PITPNM3: variants seen among roughly 807,000 people sequenced by gnomAD.
PITPNM3 encodes PITPNM family member 3.
PITPNM3 carries 26 observed loss-of-function variants against 102.0 expected under a neutral mutation model. The observed-to-expected ratio is 0.25, with a 90% confidence interval of 0.19 to 0.35. The LOEUF (loss-of-function observed/expected upper bound fraction) is 0.35. PITPNM3 is among the 10% of genes least tolerant of loss of function. The probability of loss-of-function intolerance (pLI) is 1.00; values close to 1 mark genes in which losing one functional copy is unlikely to be tolerated. For synonymous variants in PITPNM3, 578 were observed against 558.6 expected, an observed-to-expected ratio of 1.03 and a Z score of -0.49; for missense variants, 1,083 against 1,346.1, an observed-to-expected ratio of 0.80 and a Z score of 3.06.
At chr17:6,521,615 TA>T (rs200604693) in intron 3 of PITPNM3, among the ~76,000 whole-genome samples, 37 of 149,326 alleles carry the variant, frequency 2.5e-4, no homozygotes, top group South Asian at 6.3e-4. Context: ...CCCTTTCCAT[TA>T]AAAAAAAATA....
chr17:6,554,224 G>A (rs140034123), intron 1 of PITPNM3, among the ~76,000 whole-genome samples: 9,859 of 150,632 alleles, frequency 0.065, 736 homozygotes, highest in African/African-American at 0.17. Flanking sequence ...GGAGGCTGAG[G>A]CAGGAGAATC....
At chr17:6,465,822 A>G (rs1904739490) in intron 14 of PITPNM3, among the ~76,000 whole-genome samples, 1 of 152,128 alleles carries the variant, frequency 6.6e-6, no homozygotes, top group African/African-American at 2.4e-5. Context: ...CCAAGACCCC[A>G]GTCTCTCCAT....
chr17:6,454,978 G>A lies in PITPNM3; in HGVS notation c.*360C>T, dbSNP rs1458549522. 3 of 297,622 alleles carry A rather than the reference G, an allele frequency of 1.0e-5. No individual in the cohort carries two copies. Among genetic ancestry groups the A allele is most frequent in the Non-Finnish European group, 1.9e-5 (3 of 159,610 alleles). The allele number at this position is 297,622 out of a possible 1,614,324, so 18.4% of individuals were successfully genotyped here. A position where few individuals can be genotyped will look rare whatever the true frequency, so the allele number is the denominator to read the frequency against. On this transcript the variant is annotated 3_prime_UTR_variant, in exon 20 of 20. Transcript: ENST00000262483. ...GCTGGGGCTGCCCCCTTGAGGGCCT[G>A]CCTAGCTCGCTGTGAAGCCTGGGGA...
chr17:6,534,308 GA>G (rs1909297105), intron 2 of PITPNM3, among the ~76,000 whole-genome samples: 1 of 152,192 alleles, frequency 6.6e-6, no homozygotes, highest in Non-Finnish European at 1.5e-5. Flanking sequence ...CCCTGCCGAG[GA>G]GTTGTTATGG....
At chr17:6,504,133 CT>C (rs1907348724) in intron 3 of PITPNM3, among the ~76,000 whole-genome samples, 1 of 152,208 alleles carries the variant, frequency 6.6e-6, no homozygotes, top group Non-Finnish European at 1.5e-5. Context: ...GGCCCCAGGT[CT>C]CTGAGGAAGG....
intron 4 of PITPNM3, among the ~76,000 whole-genome samples, chr17:6,487,415 C>T (rs1426661808): frequency 1.3e-5 from 2 of 152,080 alleles, no homozygotes; most frequent in Non-Finnish European, 2.9e-5. Context: ...AGGGGACATC[C>T]AGGGCACAGA....
intron 1 of PITPNM3, among the ~76,000 whole-genome samples, chr17:6,547,392 G>T (rs1910079564): frequency 6.6e-6 from 1 of 152,112 alleles, no homozygotes; most frequent in Non-Finnish European, 1.5e-5. Flanking sequence ...TGCCAATTAG[G>T]CTCCCAACAG....
chr17:6,466,990 G>C (rs1904806505), intron 14 of PITPNM3, among the ~76,000 whole-genome samples: 1 of 150,558 alleles, frequency 6.6e-6, no homozygotes, highest in Non-Finnish European at 1.5e-5. Flanking sequence ...CTTGAACCAG[G>C]GAGGGGAGGT....
chr17:6,468,144 T>A lies in PITPNM3; in HGVS notation c.1890+81A>T. On this transcript the variant is annotated intron_variant, in intron 14 of 19. Coordinates refer to ENST00000262483, the MANE Select transcript of PITPNM3 (RefSeq NM_031220.4). This position sits in a 1 kb window ranked among gnomAD's most constrained non-coding sequence, Gnocchi z 5.2. The stretch of plus-strand genomic sequence containing the variant: ...GACAAATTGAAGCGCTTACCTCCCA[T>A]GTGGATGCCCCAGCCCCCGGGCCAG... The A allele has an allele frequency of 7.4e-7, 1 of 1,355,926 alleles. No homozygotes were observed. The highest frequency in any genetic ancestry group is 1.1e-6 in the Non-Finnish European group (1 of 951,336). The allele number at this position is 1,355,926 out of a possible 1,614,324, so 84.0% of individuals were successfully genotyped here. A position where few individuals can be genotyped will look rare whatever the true frequency, so the allele number is the denominator to read the frequency against.
At chr17:6,539,706 T>A (rs907559190) in intron 1 of PITPNM3, among the ~76,000 whole-genome samples, 1 of 152,244 alleles carries the variant, frequency 6.6e-6, no homozygotes, top group Non-Finnish European at 1.5e-5. Flanking sequence ...AACTGTATGT[T>A]TTCTCAATCA....
intron 2 of PITPNM3, among the ~76,000 whole-genome samples, chr17:6,532,903 A>C (rs1909215972): frequency 6.6e-6 from 1 of 152,152 alleles, no homozygotes; most frequent in Non-Finnish European, 1.5e-5. Context: ...AAATGATTGT[A>C]TCATCATACA....
At chr17:6,490,595 T>G (rs1034060057) in intron 4 of PITPNM3, among the ~76,000 whole-genome samples, 3 of 152,146 alleles carry the variant, frequency 2.0e-5, no homozygotes, top group Non-Finnish European at 4.4e-5. Flanking sequence ...AGCTAGGGGC[T>G]TGGCGTTGAT....
rs776356522 is a variant in PITPNM3 at position 6,457,763 on chromosome 17, C to A, written c.2491-41G>T. 5.1e-6 allele frequency: 8 copies of A among 1,555,964 alleles called. No individual in the cohort carries two copies. The African/African-American group carries it at 9.5e-5, about 19-fold the overall frequency. Reference sequence around the variant, plus strand: ...GGCATAGGGGGAGAGTGAGGCCAGCCCACCCCCTGGAAAGCCTTCCCAGGC... The same window carrying A: ...GGCATAGGGGGAGAGTGAGGCCAGCACACCCCCTGGAAAGCCTTCCCAGGC... On this transcript the variant is annotated intron_variant, in intron 18 of 19. Transcript: ENST00000262483. The surrounding 1 kb of genome is among the most constrained non-coding windows in gnomAD (Gnocchi z 4.7).
rs1914047601 is a variant in PITPNM3 at position 6,455,474 on chromosome 17, T to C, written c.2789A>G (p.Gln930Arg). The C allele has an allele frequency of 1.9e-6, 3 of 1,605,300 alleles. No homozygotes were observed. Among genetic ancestry groups the C allele is most frequent in the Non-Finnish European group, 2.5e-6 (3 of 1,179,498 alleles). ...GTTGGCGGCGGGCGGGTCGGGCTGC[T>C]GCACTGACATGGTTCTGCGCAGGTG... is the stretch of plus-strand genomic sequence containing the variant. ...RNHLRRTMSVQQPDPPAANPK... is the reference protein window; with the variant it reads ...RNHLRRTMSVRQPDPPAANPK... Residue 930 changes from glutamine to arginine, a missense_variant, in exon 20 of 20, where the codon CAG becomes CGG. Gln to Arg is a conservative substitution (Grantham distance 43, BLOSUM62 1). Coordinates refer to ENST00000262483, the MANE Select transcript of PITPNM3 (RefSeq NM_031220.4).
rs989321283 is a variant in PITPNM3, at chr17:6,468,446, G to A, written c.1774-105C>T. The A allele has an allele frequency of 7.0e-6, 8 of 1,140,400 alleles. No homozygotes were observed. Among genetic ancestry groups the A allele is most frequent in the Middle Eastern group, 2.3e-4 (1 of 4,290 alleles). 70.6% of individuals were successfully genotyped at this position (1,140,400 alleles called of 1,614,324 possible). ...TTGTGGCCAGCTGGGCCCTGCCCCT[G>A]CAACCCCCCAACCTCACAGCCTGGA... On this transcript the variant is annotated intron_variant, in intron 13 of 19. Transcript: ENST00000262483. The surrounding 1 kb of genome is among the most constrained non-coding windows in gnomAD (Gnocchi z 5.2).
intron 2 of PITPNM3, among the ~76,000 whole-genome samples, chr17:6,530,910 G>T (rs1909111014): frequency 6.6e-6 from 1 of 152,204 alleles, no homozygotes; most frequent in Non-Finnish European, 1.5e-5. Context: ...GAGCCTCATT[G>T]ACAGATCCTT....
In PITPNM3 at chr17:6,457,679, A is replaced by T; in HGVS notation, c.2534T>A (p.Ile845Asn). ...CAGGCCCAGCACGCTGTAGACAGAG[A>T]TGTCCTTCGTGGAGCCATAGGCCGC... ...ISAAYGSTKD[I>N]SVYSVLGLPA... The change falls in exon 19 of 20, where the codon ATC (isoleucine) becomes AAC (asparagine). Residue 845 changes from isoleucine to asparagine, a missense_variant. Physicochemically the swap from Ile to Asn is moderately radical, Grantham distance 149 (BLOSUM62 -3). Transcript: ENST00000262483. This position sits in a 1 kb window ranked among gnomAD's most constrained non-coding sequence, Gnocchi z 4.7. The T allele has an allele frequency of 6.2e-7, 1 of 1,606,608 alleles. No homozygotes were observed. Among genetic ancestry groups the T allele is most frequent in the Non-Finnish European group, 8.5e-7 (1 of 1,176,654 alleles).
rs758325077 is a variant in PITPNM3 at position 6,483,689 on chromosome 17, T to G, written c.415A>C (p.Ile139Leu). ...GGGTCCCCGGCACCCGTGTCCAGGA[T>G]GTTTCCCCCATGCAGGACCAGCAGG... is the stretch of plus-strand genomic sequence containing the variant. ...VLLLVLHGGN[I>L]LDTGAGDPSC... Residue 139 changes from isoleucine to leucine, a missense_variant, in exon 6 of 20, where the codon ATC becomes CTC. Ile to Leu is a conservative substitution (Grantham distance 5). Around this residue, in one of 5 missense-constraint regions of PITPNM3, gnomAD observed 290 missense variants for 337.8 expected, o/e 0.86. Transcript: ENST00000262483. 1 of 1,613,954 alleles carries G rather than the reference T, an allele frequency of 6.2e-7. No homozygotes were observed. Among genetic ancestry groups the G allele is most frequent in the East Asian group, 2.2e-5 (1 of 44,834 alleles).
intron 16 of PITPNM3, 102 bp downstream of exon 16, chr17:6,464,068 G>C: frequency 6.3e-7 from 1 of 1,581,588 alleles, no homozygotes; most frequent in East Asian, 2.2e-5. Context: ...ACAGAGATGG[G>C]GGCCCACAAA....
Sources: gnomAD v4.1 joint callset for allele counts (sites outside exome capture counted in the v4.1 genomes callset) on GRCh38, gnomAD v4.1.1 for gene constraint, gnomAD v4.1.1 regional missense constraint, Gnocchi (gnomAD v3.1) non-coding constraint, MANE v1.5 for transcripts, NCBI Gene and HGNC (gene_info 2026-07-23, HGNC 2026-07-21) for gene names.